The following SYT9 variants were observed in gnomAD, a reference collection of about 807,000 sequenced individuals.
SYT9 encodes the protein synaptotagmin-9.
In SYT9, 22 loss-of-function variants were observed where a neutral mutation model predicts 48.4. The observed-to-expected ratio is 0.45, with a 90% CI of 0.32 to 0.65. The LOEUF (loss-of-function observed/expected upper bound fraction) is 0.65, where lower values mean the gene tolerates loss of function less well. SYT9 is among the 30% of genes least tolerant of loss of function. SYT9 has a pLI of 0.03. For missense variants in SYT9, 577 were observed against 622.0 expected (o/e 0.93, Z 0.77); for synonymous variants, 265 against 245.0 (o/e 1.08, Z -0.76).
At chr11:7,380,249 C>G (rs559353643) in intron 3 of SYT9, among the ~76,000 whole-genome samples, 1 of 151,766 alleles carries the variant, frequency 6.6e-6, no homozygotes, top group South Asian at 2.1e-4. Context: ...AATACTTGAA[C>G]TCATGGAGAT....
chr11:7,326,523 G>T (rs1348658752), intron 3 of SYT9, among the ~76,000 whole-genome samples: 4 of 149,558 alleles, frequency 2.7e-5, no homozygotes, highest in Admixed American at 2.0e-4. Flanking sequence ...TATTAGTCTT[G>T]CTAGCGGTCT....
intron 3 of SYT9, among the ~76,000 whole-genome samples, chr11:7,329,197 T>C (rs182106498): frequency 6.6e-6 from 1 of 152,338 alleles, no homozygotes; most frequent in East Asian, 1.9e-4. Context: ...CTATTCACTC[T>C]ATCTTCCATG....
At chr11:7,272,868 G>A (rs567305060) in intron 1 of SYT9, among the ~76,000 whole-genome samples, 1 of 152,264 alleles carries the variant, frequency 6.6e-6, no homozygotes, top group East Asian at 1.9e-4. Context: ...CATGTGCAAA[G>A]GTTTAAATGC....
At chr11:7,264,804 G>A (rs898987049) in intron 1 of SYT9, among the ~76,000 whole-genome samples, 1 of 152,062 alleles carries the variant, frequency 6.6e-6, no homozygotes, top group Non-Finnish European at 1.5e-5. Flanking sequence ...ATGGATATTG[G>A]CTTTGCTGAG....
chr11:7,460,027 T>A (rs1051298467), intron 6 of SYT9, among the ~76,000 whole-genome samples: 1 of 152,320 alleles, frequency 6.6e-6, no homozygotes, highest in Non-Finnish European at 1.5e-5. Flanking sequence ...CTAACACACT[T>A]GACGAAGCAG....
intron 3 of SYT9, among the ~76,000 whole-genome samples, chr11:7,394,781 T>C (rs541556343): frequency 6.6e-6 from 1 of 152,164 alleles, no homozygotes; most frequent in East Asian, 1.9e-4. Flanking sequence ...GATTATTAAT[T>C]TGAGATTTTT....
At chr11:7,411,526 C>T (rs530225290) in intron 3 of SYT9, among the ~76,000 whole-genome samples, 1 of 151,890 alleles carries the variant, frequency 6.6e-6, no homozygotes, top group Non-Finnish European at 1.5e-5. Context: ...GGCTTTTTTT[C>T]TTCACCACTT....
intron 3 of SYT9, among the ~76,000 whole-genome samples, chr11:7,398,332 A>G (rs12224417): frequency 0.16 from 24,208 of 152,012 alleles, 2,802 homozygotes; most frequent in African/African-American, 0.33. Context: ...TTTAACATTT[A>G]TATGAGTTTA....
At chr11:7,281,649 G>A (rs1301603581) in intron 1 of SYT9, among the ~76,000 whole-genome samples, 2 of 152,118 alleles carry the variant, frequency 1.3e-5, no homozygotes, top group Non-Finnish European at 2.9e-5. Flanking sequence ...AAAAATTTTT[G>A]GAGCTGAAAG....
chr11:7,425,271 G>A (rs772193692), intron 6 of SYT9, among the ~76,000 whole-genome samples: 40 of 152,168 alleles, frequency 2.6e-4, no homozygotes, highest in East Asian at 5.8e-4. Flanking sequence ...AGAAGAGTCC[G>A]CACAGGACAG....
intron 3 of SYT9, among the ~76,000 whole-genome samples, chr11:7,332,995 A>T (rs79626727): frequency 1.3e-5 from 2 of 152,328 alleles, no homozygotes; most frequent in African/African-American, 4.8e-5. Flanking sequence ...GCCTTGTCCC[A>T]TGGATTGGCA....
intron 3 of SYT9, among the ~76,000 whole-genome samples, chr11:7,411,930 T>C (rs1003015466): frequency 6.6e-6 from 1 of 152,198 alleles, no homozygotes; most frequent in Admixed American, 6.5e-5. Flanking sequence ...TCTGACTGGA[T>C]TATTTCAAAA....
At chr11:7,294,877 G>T (rs1848767133) in intron 1 of SYT9, among the ~76,000 whole-genome samples, 1 of 152,218 alleles carries the variant, frequency 6.6e-6, no homozygotes, top group South Asian at 2.1e-4. Flanking sequence ...TCTTCTTCAG[G>T]ATTCTTGATA....
intron 1 of SYT9, among the ~76,000 whole-genome samples, chr11:7,275,067 A>T (rs879699284): frequency 1.3e-5 from 2 of 151,822 alleles, no homozygotes; most frequent in Non-Finnish European, 2.9e-5. Context: ...GGTTGGAATT[A>T]GTTCTTGCAC....
intron 6 of SYT9, chr11:7,444,339 TG>T (rs1847891091): frequency 6.6e-6 from 1 of 152,240 alleles, no homozygotes; most frequent in Admixed American, 6.5e-5. Flanking sequence ...TGGGTCCTAG[TG>T]GGCCTCTGTG....
chr11:7,462,617 G>A (rs1848255460), intron 6 of SYT9, among the ~76,000 whole-genome samples: 1 of 152,142 alleles, frequency 6.6e-6, no homozygotes, highest in South Asian at 2.1e-4. Flanking sequence ...AACCAGCAGA[G>A]CATGATGAAT....
At chr11:7,301,861 T>A (rs1298018914) in intron 1 of SYT9, among the ~76,000 whole-genome samples, 1 of 152,196 alleles carries the variant, frequency 6.6e-6, no homozygotes, top group Non-Finnish European at 1.5e-5. Flanking sequence ...TTCAGATTGA[T>A]GCTCAGCCTC....
At chr11:7,390,003 A>G (rs137914587) in intron 3 of SYT9, among the ~76,000 whole-genome samples, 139 of 152,348 alleles carry the variant, frequency 9.1e-4, no homozygotes, top group African/African-American at 3.2e-3. Flanking sequence ...TTTTTATTAT[A>G]CTTTAAGTTC....
chr11:7,248,391 G>A (rs186902348), upstream of SYT9, among the ~76,000 whole-genome samples: 1,411 of 152,044 alleles, frequency 9.3e-3, 22 homozygotes, highest in African/African-American at 0.032. Context: ...TCTTGGTCAC[G>A]AAATCCTTGC....
Sources: gnomAD v4.1 joint callset for allele counts (sites outside exome capture counted in the v4.1 genomes callset) on GRCh38, gnomAD v4.1.1 for gene constraint, MANE v1.5 for transcripts, NCBI Gene and HGNC (gene_info 2026-07-23, HGNC 2026-07-21) for gene names.